Variants in TP53BP1 observed in about 807,000 individuals in gnomAD.
TP53BP1 encodes the protein TP53-binding protein 1.
TP53BP1 carries 61 observed loss-of-function variants against 200.8 expected under a neutral mutation model. That is an observed-to-expected ratio of 0.30 (90% CI 0.25 to 0.38). The LOEUF (loss-of-function observed/expected upper bound fraction) is 0.38. TP53BP1 is among the 10% of genes least tolerant of loss of function. The pLI is 1.00. For missense variants in TP53BP1, 2,144 were observed against 2,371.9 expected (o/e 0.90, Z 2.00); for synonymous variants, 822 against 844.3 (o/e 0.97, Z 0.46).
Position 43,486,110 on chromosome 15 carries a change from C to A in TP53BP1, c.372-5088G>T, listed in dbSNP as rs373434368. On this transcript the variant is annotated intron_variant, in intron 4 of 27. Transcript: ENST00000382044. ...AAAATTGGGAGGGCCGCGGAGGTGCCTCACGCCCGTAATCCCAGCAGTTTG... is the reference window on the plus strand; with the variant it reads ...AAAATTGGGAGGGCCGCGGAGGTGCATCACGCCCGTAATCCCAGCAGTTTG... Among the ~76,000 whole-genome samples the A allele has an allele frequency of 1.9e-3, 296 of 151,842 alleles. 2 individuals carry two copies. The highest frequency in any genetic ancestry group is 6.7e-3 in the African/African-American group (276 of 41,378).
intron 21 of TP53BP1, among the ~76,000 whole-genome samples, chr15:43,418,399 G>A (rs1241315408): frequency 2.0e-5 from 3 of 151,464 alleles, no homozygotes; most frequent in Non-Finnish European, 4.4e-5. Context: ...CTACTCGGGA[G>A]GCTGAGGCAC....
In TP53BP1 at chr15:43,405,380, T is replaced by TGGA; in HGVS notation, c.*2002_*2003insTCC. On this transcript the variant is annotated 3_prime_UTR_variant, in exon 28 of 28. Transcript: ENST00000382044. ...ACTGAACATCCAGGAGTACAACTCC[T>TGGA]TCCCATCATTCCCATGTGGAAGGGT... is the stretch of plus-strand genomic sequence containing the variant. 2.9e-6 allele frequency: 2 copies of TGGA among 682,588 alleles called. No individual in the cohort carries two copies. The highest frequency in any genetic ancestry group is 5.1e-6 in the Non-Finnish European group (2 of 395,126). 42.3% of individuals were successfully genotyped at this position (682,588 alleles called of 1,614,324 possible).
rs777582184 is a variant in TP53BP1, at chr15:43,428,098, C to T, written c.3746G>A (p.Arg1249Gln). The part of the protein sequence containing the change: ...HVLHRHMRTI[R>Q]EVRTLVTRVI... Reference sequence around the variant, plus strand: ...ACGAGTGACAAGTGTGCGTACTTCCCGGATTGTTCTCATGTGACGATGTAA... The same window carrying T: ...ACGAGTGACAAGTGTGCGTACTTCCTGGATTGTTCTCATGTGACGATGTAA... The change falls in exon 18 of 28, where the codon CGG becomes CAG. Residue 1249 changes from arginine (R) to glutamine (Q), a missense_variant. By Grantham distance (43) the Arg-to-Gln change is conservative. Coordinates refer to ENST00000382044, the MANE Select transcript of TP53BP1 (RefSeq NM_001141980.3). The T allele has an allele frequency of 1.4e-5, 23 of 1,613,246 alleles. No homozygotes were observed. Among genetic ancestry groups the T allele is most frequent in the Non-Finnish European group, 2.0e-5 (23 of 1,179,338 alleles).
chr15:43,473,081 G>T (rs1265739542), intron 10 of TP53BP1, among the ~76,000 whole-genome samples: 1 of 152,144 alleles, frequency 6.6e-6, no homozygotes, highest in Non-Finnish European at 1.5e-5. Flanking sequence ...CGCGTCTAGA[G>T]TTGTTCGTTC....
At chr15:43,425,138 A>G (rs910728134) in intron 18 of TP53BP1, among the ~76,000 whole-genome samples, 2 of 152,180 alleles carry the variant, frequency 1.3e-5, no homozygotes, top group East Asian at 1.9e-4. Flanking sequence ...TGGACTTCCC[A>G]GCCTCCTAGA....
chr15:43,420,727 G>C lies in TP53BP1; in HGVS notation c.4259C>G (p.Ala1420Gly), dbSNP rs770017480. 3.1e-6 allele frequency: 5 copies of C among 1,612,910 alleles called. No homozygotes were observed. The South Asian group carries it at 5.5e-5, about 18-fold the overall frequency. The stretch of plus-strand genomic sequence containing the variant: ...CTCTATGCCCAAGGGGCCAGGCACA[G>C]CTGTTTCTCTAAAGAGAGATAGGGG... ...PSRTTGTRET[A>G]VPGPLGIEDI... The change falls in exon 21 of 28, where the codon GCT (alanine) becomes GGT (glycine). Residue 1420 changes from alanine to glycine, a missense_variant. Coordinates refer to ENST00000382044, the MANE Select transcript of TP53BP1 (RefSeq NM_001141980.3).
intron 7 of TP53BP1, 103 bp from the exon 8 acceptor site, chr15:43,477,862 T>C (rs962939320): frequency 6.3e-5 from 53 of 845,670 alleles, no homozygotes; most frequent in Non-Finnish European, 8.6e-5. Context: ...ATTTCAAAAA[T>C]TCCAGTGGCT....
At chr15:43,442,368 G>C (rs1007919921) in intron 14 of TP53BP1, among the ~76,000 whole-genome samples, 2 of 152,092 alleles carry the variant, frequency 1.3e-5, no homozygotes, top group East Asian at 1.9e-4. Context: ...TTACAGGCAA[G>C]AGCCACTGTG....
chr15:43,462,177 CA>C (rs1281386854), intron 11 of TP53BP1, among the ~76,000 whole-genome samples: 2 of 86,410 alleles, frequency 2.3e-5, no homozygotes, highest in Non-Finnish European at 4.2e-5. Flanking sequence ...ACTAAAAACA[CA>C]AAAATTTGCC....
At chr15:43,408,791 G>A (rs45485194) in intron 26 of TP53BP1, 106 bp downstream of exon 26, 4 of 1,134,042 alleles carry the variant, frequency 3.5e-6, no homozygotes, top group East Asian at 5.0e-5. Context: ...TTATCCCACA[G>A]ACATTCCAAT....
Position 43,446,419 on chromosome 15 carries a change from G to C in TP53BP1, c.3008C>G (p.Ala1003Gly). The change falls in exon 14 of 28, where the codon GCG (alanine) becomes GGG (glycine). Residue 1003 changes from alanine to glycine, a missense_variant. Ala to Gly is a moderately conservative substitution (Grantham distance 60). Around this residue, in one of 4 missense-constraint regions of TP53BP1, gnomAD observed 1,700 missense variants for 1,710.3 expected, o/e 0.99. Coordinates refer to ENST00000382044, the MANE Select transcript of TP53BP1 (RefSeq NM_001141980.3). ...GTTGAACTGCAAAGACTCTTCACTCGCCTCAGTCTCAGGACTAACCAGTTT... is the reference window on the plus strand; with the variant it reads ...GTTGAACTGCAAAGACTCTTCACTCCCCTCAGTCTCAGGACTAACCAGTTT... ...RMKLVSPETEASEESLQFNLE... is the reference protein window; with the variant it reads ...RMKLVSPETEGSEESLQFNLE... The C allele has an allele frequency of 6.2e-7, 1 of 1,614,022 alleles. No homozygotes were observed. The highest frequency in any genetic ancestry group is 8.5e-7 in the Non-Finnish European group (1 of 1,179,982).
At chr15:43,436,553 C>A (rs1463391208) in intron 16 of TP53BP1, among the ~76,000 whole-genome samples, 4 of 152,024 alleles carry the variant, frequency 2.6e-5, no homozygotes, top group African/African-American at 9.7e-5. Flanking sequence ...CAGCTCCCTG[C>A]AGCCTCGACC....
intron 18 of TP53BP1, among the ~76,000 whole-genome samples, chr15:43,423,823 T>C (rs1220481524): frequency 6.6e-6 from 1 of 152,200 alleles, no homozygotes; most frequent in East Asian, 1.9e-4. Flanking sequence ...TCTTTCAGTC[T>C]ACCTTTTTGG....
At chr15:43,421,443 G>A (rs1471713388) in intron 19 of TP53BP1, among the ~76,000 whole-genome samples, 1 of 152,152 alleles carries the variant, frequency 6.6e-6, no homozygotes, top group Non-Finnish European at 1.5e-5. Context: ...CCCAATTTCT[G>A]CTATGCCTTC....
chr15:43,493,110 A>C lies in TP53BP1; in HGVS notation c.-67T>G. The stretch of plus-strand genomic sequence containing the variant: ...ACGCTCCCCAAGTCCCTCCAGATCG[A>C]TCCCTAGGTCGCCGCTGTCGCCACC... On this transcript the variant is annotated 5_prime_UTR_variant, in exon 1 of 28. Coordinates refer to ENST00000382044, the MANE Select transcript of TP53BP1 (RefSeq NM_001141980.3). 1 of 1,602,592 alleles carries C rather than the reference A, an allele frequency of 6.2e-7. No homozygotes were observed. The highest frequency in any genetic ancestry group is 1.3e-5 in the African/African-American group (1 of 74,544).
intron 11 of TP53BP1, among the ~76,000 whole-genome samples, chr15:43,459,645 C>T (rs2046383177): frequency 2.0e-5 from 3 of 151,390 alleles, no homozygotes; most frequent in Non-Finnish European, 4.4e-5. Context: ...TTCCTGATTC[C>T]AATTGCATGA....
In TP53BP1 at chr15:43,451,376, T is replaced by G. The variant is rs2046165694; in HGVS notation, c.2717-3891A>C. 2.1e-5 allele frequency among the ~76,000 whole-genome samples: 3 copies of G among 143,776 alleles called. No individual in the cohort carries two copies. In the Admixed American group the frequency reaches 2.1e-4, roughly 10 times the overall value. 94.3% of individuals were successfully genotyped at this position (143,776 alleles called of 152,430 possible). ...CAGTCCCCAGAGTGTGATGTTCCCC[T>G]TCCTGTGTCCATGTGTTCTCATTGT... On this transcript the variant is annotated intron_variant, in intron 12 of 27. Transcript: ENST00000382044.
At chr15:43,440,652 T>C in intron 15 of TP53BP1, among the ~76,000 whole-genome samples, 1 of 151,860 alleles carries the variant, frequency 6.6e-6, no homozygotes, top group Middle Eastern at 3.2e-3. Context: ...CTTTGGGAAG[T>C]CAAGGCAGGT....
chr15:43,477,784 A>G, intron 7 of TP53BP1, 25 bp from the exon 8 acceptor site: 2 of 1,494,078 alleles, frequency 1.3e-6, no homozygotes, highest in Non-Finnish European at 1.8e-6. Context: ...TCACCAGGAG[A>G]AAAAGTTCCT....
Sources: gnomAD v4.1 joint callset for allele counts (sites outside exome capture counted in the v4.1 genomes callset) on GRCh38, gnomAD v4.1.1 for gene constraint, gnomAD v4.1.1 regional missense constraint, MANE v1.5 for transcripts, NCBI Gene and HGNC (gene_info 2026-07-23, HGNC 2026-07-21) for gene names.